The following DNAH6 variants were observed in gnomAD, a reference collection of about 807,000 sequenced individuals.
The protein encoded by DNAH6 is dynein axonemal heavy chain 6.
In DNAH6, 340 loss-of-function variants were observed where a neutral mutation model predicts 491.4. That is an observed-to-expected ratio of 0.69 (90% CI 0.63 to 0.76). The LOEUF (loss-of-function observed/expected upper bound fraction) is 0.76, where lower values mean the gene tolerates loss of function less well. Among genes scored for constraint, DNAH6 ranks in the 30% least tolerant of loss-of-function variants. The pLI is 0.00. For missense variants in DNAH6, 4,443 were observed against 4,972.2 expected (o/e 0.89, Z 3.20); for synonymous variants, 1,603 against 1,686.1 (o/e 0.95, Z 1.21).
At chr2:84,782,527 T>A (rs1676790591) in intron 65 of DNAH6, among the ~76,000 whole-genome samples, 1 of 152,228 alleles carries the variant, frequency 6.6e-6, no homozygotes, top group Non-Finnish European at 1.5e-5. Context: ...CTCTGGTCAC[T>A]GAGCCAGCTC....
At position 84,762,772 on chromosome 2, in the gene DNAH6, A is replaced by C; in HGVS notation, c.10530A>C (p.Thr3510=). 2 of 1,549,914 alleles carry C rather than the reference A, an allele frequency of 1.3e-6. No homozygotes were observed. The highest frequency in any genetic ancestry group is 4.9e-5 in the East Asian group (2 of 40,912). Reference sequence around the variant, plus strand: ...ACTTTCAGGTGGTTTTTGCTCTTACAGACTTTGTGATAGAAAATCTTGGAA... The same window carrying C: ...ACTTTCAGGTGGTTTTTGCTCTTACCGACTTTGTGATAGAAAATCTTGGAA... The part of the protein sequence containing the change: ...CKEEKVVFAL[T]DFVIENLGKQ... Residue 3510 remains threonine, a synonymous_variant, in exon 64 of 77, where the codon ACA becomes ACC. Transcript: ENST00000389394.
intron 22 of DNAH6, among the ~76,000 whole-genome samples, chr2:84,614,509 T>G (rs1308808115): frequency 6.6e-6 from 1 of 152,186 alleles, no homozygotes; most frequent in Non-Finnish European, 1.5e-5. Flanking sequence ...TGCAAGAATC[T>G]TTTTTATATA....
Position 84,637,351 on chromosome 2 carries a change from G to A in DNAH6, c.4795G>A (p.Val1599Ile), listed in dbSNP as rs1313111448. ...CCTGTTTAGACCATTTGCGATGATGGTTCCAAATTATGCCTTGATTGCAGA... is the reference window on the plus strand; with the variant it reads ...CCTGTTTAGACCATTTGCGATGATGATTCCAAATTATGCCTTGATTGCAGA... ...KALFRPFAMM[V>I]PNYALIAEVI... Residue 1599 changes from valine (V) to isoleucine (I), a missense_variant, in exon 31 of 77, where the codon GTT becomes ATT. Coordinates refer to ENST00000389394, the MANE Select transcript of DNAH6 (RefSeq NM_001370.2). The A allele has an allele frequency of 3.9e-6, 6 of 1,547,554 alleles. No homozygotes were observed. In the Admixed American group the frequency reaches 9.9e-5, roughly 25 times the overall value.
At chr2:84,591,606 A>G (rs1054512825) in intron 16 of DNAH6, among the ~76,000 whole-genome samples, 2 of 152,214 alleles carry the variant, frequency 1.3e-5, no homozygotes, top group Non-Finnish European at 2.9e-5. Context: ...TATTAAAAAC[A>G]AATTCTAAAA....
the DNAH6 span, among the ~76,000 whole-genome samples, chr2:84,472,316 A>G: frequency 6.6e-6 from 1 of 151,924 alleles, no homozygotes; most frequent in Non-Finnish European, 1.5e-5. Flanking sequence ...CGTTGTTGAA[A>G]GAAGGTAGCC....
chr2:84,664,866 A>C (rs1285195796), intron 37 of DNAH6, among the ~76,000 whole-genome samples: 13 of 152,226 alleles, frequency 8.5e-5, no homozygotes, highest in Non-Finnish European at 1.9e-4. Flanking sequence ...CTCCTCAACA[A>C]ATGTAAAAGA....
chr2:84,678,110 T>G (rs956704741), intron 41 of DNAH6, among the ~76,000 whole-genome samples: 1 of 152,192 alleles, frequency 6.6e-6, no homozygotes, highest in Non-Finnish European at 1.5e-5. Context: ...AAAGGAATTT[T>G]CTGTTTGTAT....
chr2:84,753,363 A>G (rs940197940), intron 63 of DNAH6, among the ~76,000 whole-genome samples: 2 of 152,116 alleles, frequency 1.3e-5, no homozygotes, highest in African/African-American at 2.4e-5. Context: ...CTTTTGAAGC[A>G]CAAAAGCTTT....
chr2:84,744,479 C>T (rs949613406), intron 62 of DNAH6, among the ~76,000 whole-genome samples: 9 of 152,018 alleles, frequency 5.9e-5, no homozygotes, highest in African/African-American at 1.9e-4. Context: ...GATGATGTAT[C>T]GTTTATTAGG....
At chr2:84,563,203 T>C (rs1680845075) in intron 11 of DNAH6, among the ~76,000 whole-genome samples, 1 of 152,202 alleles carries the variant, frequency 6.6e-6, no homozygotes, top group African/African-American at 2.4e-5. Context: ...CTTGGGTATG[T>C]GTTTATTAGC....
At chr2:84,573,644 T>C (rs1682124505) in intron 12 of DNAH6, 57 bp downstream of exon 12, 2 of 1,436,054 alleles carry the variant, frequency 1.4e-6, no homozygotes, top group Non-Finnish European at 1.8e-6. Flanking sequence ...AGATTTGTTG[T>C]TTTTTAGGAT....
chr2:84,663,862 C>A (rs1691795384), intron 37 of DNAH6, among the ~76,000 whole-genome samples: 1 of 152,082 alleles, frequency 6.6e-6, no homozygotes, highest in Admixed American at 6.5e-5. Context: ...GTCGGGTTAC[C>A]CACAAAGGGA....
the DNAH6 span, among the ~76,000 whole-genome samples, chr2:84,482,663 A>T: frequency 6.6e-6 from 1 of 152,378 alleles, no homozygotes; most frequent in East Asian, 1.9e-4. Flanking sequence ...ACTGCTACTC[A>T]GGAGGTAGCC....
At chr2:84,669,106 T>C (rs1692467619) in intron 37 of DNAH6, among the ~76,000 whole-genome samples, 183 bp from the exon 38 acceptor site, 1 of 152,164 alleles carries the variant, frequency 6.6e-6, no homozygotes, top group African/African-American at 2.4e-5. Context: ...ATGCATTGTG[T>C]TGCATGATTT....
At chr2:84,811,233 T>A (rs1330444926) in intron 72 of DNAH6, among the ~76,000 whole-genome samples, 2 of 152,248 alleles carry the variant, frequency 1.3e-5, no homozygotes, top group Non-Finnish European at 2.9e-5. Flanking sequence ...TGCCTGTCGC[T>A]AAGATGCTGT....
intron 51 of DNAH6, among the ~76,000 whole-genome samples, chr2:84,704,739 C>T (rs984989106): frequency 2.0e-5 from 3 of 152,150 alleles, no homozygotes; most frequent in African/African-American, 4.8e-5. Context: ...GATTGCATCA[C>T]GAAAGGTCTT....
intron 30 of DNAH6, 85 bp from the exon 31 acceptor site, chr2:84,637,125 A>C: frequency 8.4e-7 from 1 of 1,189,062 alleles, no homozygotes; most frequent in African/African-American, 1.6e-5. Flanking sequence ...GCTTCATTAC[A>C]TGAGTCTTGT....
intron 51 of DNAH6, among the ~76,000 whole-genome samples, chr2:84,704,583 G>C (rs540099970): frequency 6.6e-6 from 1 of 152,268 alleles, no homozygotes; most frequent in South Asian, 2.1e-4. Context: ...TATTGGGAGT[G>C]CTGAGAAAAC....
intron 64 of DNAH6, chr2:84,778,165 G>C (rs958021832): frequency 1.4e-6 from 1 of 738,574 alleles, no homozygotes; most frequent in African/African-American, 1.7e-5. Flanking sequence ...ATCTTATCCT[G>C]GGGAGGTCTC....
Sources: gnomAD v4.1 joint callset for allele counts (sites outside exome capture counted in the v4.1 genomes callset) on GRCh38, gnomAD v4.1.1 for gene constraint, MANE v1.5 for transcripts, NCBI Gene and HGNC (gene_info 2026-07-23, HGNC 2026-07-21) for gene names.